Variants in MACROD2 observed in about 807,000 individuals in gnomAD.
MACROD2 encodes ADP-ribose glycohydrolase MACROD2.
MACROD2 carries 36 observed loss-of-function variants against 70.4 expected under a neutral mutation model. The observed-to-expected ratio is 0.51, with a 90% CI of 0.39 to 0.68. The LOEUF is 0.68. MACROD2 is among the 30% of genes least tolerant of loss of function. MACROD2 has a pLI of 0.00. For synonymous variants in MACROD2, 172 were observed against 178.8 expected, an observed-to-expected ratio of 0.96 and a Z score of 0.30; for missense variants, 496 against 538.4, an observed-to-expected ratio of 0.92 and a Z score of 0.78.
At chr20:14,438,370 G>C (rs576611783) in intron 3 of MACROD2, among the ~76,000 whole-genome samples, 2 of 152,298 alleles carry the variant, frequency 1.3e-5, no homozygotes, top group Admixed American at 1.3e-4. Context: ...GTGCTGCTGT[G>C]AACATGGAAG....
chr20:14,247,623 C>T (rs6042619), intron 3 of MACROD2, among the ~76,000 whole-genome samples: 90,429 of 151,950 alleles, frequency 0.6, 28,803 homozygotes, highest in Non-Finnish European at 0.72. Context: ...TGAGTGCCGA[C>T]GTGATGCCAC....
At chr20:15,499,673 A>G (rs1256756371) in intron 7 of MACROD2, 101 bp from the exon 8 acceptor site, 4 of 1,010,716 alleles carry the variant, frequency 4.0e-6, no homozygotes, top group Non-Finnish European at 6.1e-6. Context: ...GGTTGAACTG[A>G]ATGTTGTTTA....
At chr20:15,987,436 C>G (rs970533782) in intron 15 of MACROD2, among the ~76,000 whole-genome samples, 2 of 151,996 alleles carry the variant, frequency 1.3e-5, no homozygotes, top group African/African-American at 4.8e-5. Flanking sequence ...ATTGAGAAAG[C>G]CTATAAGAAA....
At chr20:14,501,036 G>GAA (rs11483849) in intron 4 of MACROD2, among the ~76,000 whole-genome samples, 134 of 143,244 alleles carry the variant, frequency 9.4e-4, no homozygotes, top group African/African-American at 3.0e-3. Context: ...ATTTCTAAAT[G>GAA]AAAAAAAAAA....
intron 8 of MACROD2, among the ~76,000 whole-genome samples, chr20:15,713,791 G>A (rs1283002144): frequency 1.3e-5 from 2 of 152,036 alleles, no homozygotes; most frequent in Admixed American, 6.6e-5. Flanking sequence ...GGAGACTAGG[G>A]ACCAAAATGA....
chr20:15,149,221 A>G lies in MACROD2; in HGVS notation c.419-80719A>G, dbSNP rs1342757609. Among the ~76,000 whole-genome samples the G allele has an allele frequency of 5.9e-5, 9 of 152,076 alleles. 2 individuals are homozygous for G. ...TGAGGAGTAGTAGAATAGCAGATGG[A>G]ACACTGAGAAGTTATTTCCTTGAGG... On this transcript the variant is annotated intron_variant, in intron 5 of 17. Transcript: ENST00000684519.
chr20:15,790,201 G>A (rs1004047598), intron 8 of MACROD2, among the ~76,000 whole-genome samples: 1 of 151,904 alleles, frequency 6.6e-6, no homozygotes, highest in East Asian at 1.9e-4. Flanking sequence ...AACATTAAAT[G>A]TTAGCCAAAT....
rs75320677 is a variant in MACROD2 at position 15,208,866 on chromosome 20, G to A, written c.419-21074G>A. ...GCTCTGACATTATATGGGGAGGGGG[G>A]TTGTTACCACCAGCAAGGGCTGAAA... On this transcript the variant is annotated intron_variant, in intron 5 of 17. Transcript: ENST00000684519. 3.9e-5 allele frequency among the ~76,000 whole-genome samples: 6 copies of A among 152,226 alleles called. No homozygotes were observed. In the South Asian group the frequency reaches 6.2e-4, roughly 16 times the overall value.
intron 4 of MACROD2, among the ~76,000 whole-genome samples, chr20:14,587,320 T>C (rs1981451397): frequency 6.6e-6 from 1 of 151,924 alleles, no homozygotes. Context: ...TAATATTTTT[T>C]AGTTTTCTTG....
intron 12 of MACROD2, among the ~76,000 whole-genome samples, chr20:15,958,483 T>C (rs1287514647): frequency 6.6e-6 from 1 of 152,134 alleles, no homozygotes; most frequent in Non-Finnish European, 1.5e-5. Flanking sequence ...CAAATGAAAA[T>C]GTGATGCCAG....
chr20:14,296,542 C>A (rs997271122), intron 3 of MACROD2, among the ~76,000 whole-genome samples: 1 of 151,974 alleles, frequency 6.6e-6, no homozygotes, highest in African/African-American at 2.4e-5. Context: ...AGAAGCCACA[C>A]ATGAAAATAT....
chr20:14,470,725 A>T (rs554717956), intron 3 of MACROD2, among the ~76,000 whole-genome samples: 3 of 152,180 alleles, frequency 2.0e-5, no homozygotes, highest in African/African-American at 4.8e-5. Flanking sequence ...TTACACTGTG[A>T]TGGGAAAACT....
chr20:15,016,517 G>C lies in MACROD2; in HGVS notation c.419-213423G>C, dbSNP rs150843376. Among the ~76,000 whole-genome samples the C allele has an allele frequency of 3.3e-5, 5 of 152,192 alleles. No homozygotes were observed. The East Asian group carries it at 9.7e-4, about 29-fold the overall frequency. ...GGGGCAGATCCCTCAAGATGGCTTG[G>C]TACCCTCCCCACAGTAATGAGTGGG... On this transcript the variant is annotated intron_variant, in intron 5 of 17. Coordinates refer to ENST00000684519, the MANE Select transcript of MACROD2 (RefSeq NM_001351661.2).
At chr20:15,473,813 G>T (rs78332483) in intron 7 of MACROD2, among the ~76,000 whole-genome samples, 1,528 of 152,228 alleles carry the variant, frequency 0.01, 25 homozygotes, top group African/African-American at 0.035. Context: ...TGATATCCAC[G>T]TGGGTTTACT....
At chr20:15,200,769 CTTTAATG>C (rs1237110204) in intron 5 of MACROD2, among the ~76,000 whole-genome samples, 1 of 152,188 alleles carries the variant, frequency 6.6e-6, no homozygotes, top group East Asian at 1.9e-4. Flanking sequence ...CCTTCTCAAA[CTTTAATG>C]TTTATACAGA....
chr20:15,217,884 T>G (rs1241313643), intron 5 of MACROD2, among the ~76,000 whole-genome samples: 1 of 152,174 alleles, frequency 6.6e-6, no homozygotes, highest in Non-Finnish European at 1.5e-5. Context: ...TGCTTTTACA[T>G]TAATGGTTTC....
chr20:15,929,866 G>C, intron 10 of MACROD2, among the ~76,000 whole-genome samples: 1 of 152,102 alleles, frequency 6.6e-6, no homozygotes, highest in East Asian at 1.9e-4. Flanking sequence ...GTACACATTT[G>C]ATAAATATTG....
intron 3 of MACROD2, among the ~76,000 whole-genome samples, chr20:14,113,745 C>T (rs2054481305): frequency 6.6e-6 from 1 of 152,028 alleles, no homozygotes; most frequent in Non-Finnish European, 1.5e-5. Flanking sequence ...GTTGAAGAGA[C>T]CTGCTTAAGC....
chr20:15,483,085 TA>T (rs1379548010), intron 7 of MACROD2, among the ~76,000 whole-genome samples: 3 of 152,230 alleles, frequency 2.0e-5, no homozygotes, highest in Non-Finnish European at 2.9e-5. Flanking sequence ...AAATTTAGCT[TA>T]TTTTTTTCAT....
Sources: allele counts gnomAD v4.1 joint callset (sites outside exome capture counted in the v4.1 genomes callset), GRCh38; gene constraint gnomAD v4.1.1; transcripts MANE v1.5; gene names NCBI Gene and HGNC (gene_info 2026-07-23, HGNC 2026-07-21).